The following C3orf49 variants were observed in gnomAD, a reference collection of about 807,000 sequenced individuals.
The protein encoded by C3orf49 is putative uncharacterized protein C3orf49.
C3orf49 carries 27 observed loss-of-function variants against 13.3 expected under a neutral mutation model. The ratio of observed to expected loss-of-function variants is 2.02; its 90% CI spans 1.49 to 2.79. C3orf49 has a LOEUF of 2.79. Ranked by LOEUF, C3orf49 falls within the 30% of genes most tolerant of loss-of-function variation. The probability of loss-of-function intolerance (pLI) is 0.00; values close to 1 mark genes in which losing one functional copy is unlikely to be tolerated. For synonymous variants in C3orf49, 87 were observed against 47.6 expected, an observed-to-expected ratio of 1.83 and a Z score of -3.40; for missense variants, 242 against 134.2, an observed-to-expected ratio of 1.80 and a Z score of -3.97.
chr3:63,800,057 G>A, the C3orf49 span, among the ~76,000 whole-genome samples: 1 of 152,072 alleles, frequency 6.6e-6, no homozygotes. Flanking sequence ...GCAATTACCT[G>A]GACAACCCAG....
chr3:63,822,435 G>A (rs574929101), intron 1 of C3orf49, among the ~76,000 whole-genome samples: 7 of 152,184 alleles, frequency 4.6e-5, no homozygotes, highest in Admixed American at 2.6e-4. Context: ...TTGTATCACC[G>A]TACAGGTGAT....
chr3:63,843,694 A>G (rs890461615), intron 5 of C3orf49, among the ~76,000 whole-genome samples: 3 of 152,048 alleles, frequency 2.0e-5, no homozygotes. Context: ...AGGTCAGGAG[A>G]TCGAGACCAT....
At chr3:63,831,648 T>A (rs1200395422) in intron 4 of C3orf49, 32 bp from the exon 5 acceptor site, 1 of 694,900 alleles carries the variant, frequency 1.4e-6, no homozygotes, top group African/African-American at 1.8e-5. Flanking sequence ...TTCCAACACA[T>A]GGCTTCATTT....
intron 5 of C3orf49, chr3:63,839,781 A>C (rs1337433172): frequency 1.2e-6 from 2 of 1,610,428 alleles, no homozygotes; most frequent in Non-Finnish European, 8.5e-7. Flanking sequence ...CGTCTGCAGG[A>C]AAGAAGGGCA....
Position 63,831,693 on chromosome 3 carries a change from T to C in C3orf49, c.698T>C (p.Ile233Thr), listed in dbSNP as rs562309313. ...GKLQMQVDDL[I>T]ETVTDKSMKL... ...TATCTGTCATAGGTGGATGACCTCA[T>C]AGAAACAGTGACTGATAAATCCATG... Residue 233 changes from isoleucine to threonine, a missense_variant, in exon 5 of 7, where the codon ATA (isoleucine) becomes ACA (threonine). Ile to Thr is a moderately conservative substitution (Grantham distance 89). Coordinates refer to ENST00000295896, the MANE Select transcript of C3orf49 (RefSeq NM_001355236.2). 1.4e-6 allele frequency: 1 copy of C among 703,120 alleles called. No homozygotes were observed. Among genetic ancestry groups the C allele is most frequent in the East Asian group, 2.7e-5 (1 of 37,266 alleles). 43.6% of individuals were successfully genotyped at this position (703,120 alleles called of 1,614,324 possible).
At chr3:63,805,991 GC>G in the C3orf49 span, among the ~76,000 whole-genome samples, 5 of 152,214 alleles carry the variant, frequency 3.3e-5, no homozygotes, top group South Asian at 8.3e-4. Flanking sequence ...GCTGCGCAGT[GC>G]CCCGCCCCCA....
intron 3 of C3orf49, among the ~76,000 whole-genome samples, chr3:63,829,350 GA>G (rs1454697227): frequency 6.6e-6 from 1 of 152,020 alleles, no homozygotes; most frequent in Non-Finnish European, 1.5e-5. Flanking sequence ...AATGTTGCTA[GA>G]ACAATTGGGC....
At chr3:63,782,333 A>G in the C3orf49 span, 1 of 152,238 alleles carries the variant, frequency 6.6e-6, no homozygotes, top group Non-Finnish European at 1.5e-5. Flanking sequence ...TCCTTCTCAA[A>G]AAAAACAAAC....
At position 63,831,678 on chromosome 3, in the gene C3orf49, A is replaced by G. The variant is rs749375622; in HGVS notation, c.685-2A>G. ...TCATTTCTTTGTATTTATCTGTCATAGGTGGATGACCTCATAGAAACAGTG... is the reference window on the plus strand; with the variant it reads ...TCATTTCTTTGTATTTATCTGTCATGGGTGGATGACCTCATAGAAACAGTG... On this transcript the variant is annotated splice_acceptor_variant, in intron 4 of 6. Transcript: ENST00000295896. LOFTEE classifies it high-confidence loss of function. The G allele has an allele frequency of 4.3e-6, 3 of 702,948 alleles. No individual in the cohort carries two copies. In the South Asian group the frequency reaches 4.4e-5, roughly 10 times the overall value. The allele number at this position is 702,948 out of a possible 1,614,324, so 43.5% of individuals were successfully genotyped here.
chr3:63,787,534 C>A, the C3orf49 span, among the ~76,000 whole-genome samples: 281 of 152,200 alleles, frequency 1.8e-3, 1 homozygote, highest in Non-Finnish European at 2.5e-3. Flanking sequence ...AAATTCAATA[C>A]CCTTTTTTAA....
the C3orf49 span, among the ~76,000 whole-genome samples, chr3:63,813,049 A>G: frequency 6.6e-6 from 1 of 152,028 alleles, no homozygotes; most frequent in Non-Finnish European, 1.5e-5. Context: ...CCTCCACAGA[A>G]CTCCACAGTA....
the C3orf49 span, chr3:63,805,209 T>C: frequency 6.6e-6 from 1 of 152,202 alleles, no homozygotes; most frequent in Non-Finnish European, 1.5e-5. Flanking sequence ...CATTCTCAAT[T>C]ACAAAATTTG....
At chr3:63,786,557 G>C in the C3orf49 span, among the ~76,000 whole-genome samples, 1 of 152,070 alleles carries the variant, frequency 6.6e-6, no homozygotes, top group Non-Finnish European at 1.5e-5. Flanking sequence ...TGGAGCTAAA[G>C]AAGGAAAAAA....
At chr3:63,838,185 T>C in intron 5 of C3orf49, 18 of 1,012,984 alleles carry the variant, frequency 1.8e-5, no homozygotes, top group East Asian at 2.6e-5. Flanking sequence ...TTTTAAAAAA[T>C]AGCTGTAACC....
the C3orf49 span, among the ~76,000 whole-genome samples, chr3:63,799,444 C>A: frequency 6.6e-6 from 1 of 152,214 alleles, no homozygotes; most frequent in East Asian, 1.9e-4. Context: ...GAGTGTACAG[C>A]ATCAACATGT....
the C3orf49 span, among the ~76,000 whole-genome samples, chr3:63,789,576 TGAG>T: frequency 2.0e-5 from 3 of 151,940 alleles, no homozygotes; most frequent in East Asian, 1.9e-4. Context: ...TTTGGGAGGC[TGAG>T]GAGGGTGGAT....
intron 1 of C3orf49, among the ~76,000 whole-genome samples, chr3:63,822,802 T>A (rs1701415645): frequency 6.6e-6 from 1 of 152,214 alleles, no homozygotes; most frequent in Non-Finnish European, 1.5e-5. Flanking sequence ...TAGCAGACTC[T>A]CTCATCTTTT....
intron 2 of C3orf49, chr3:63,826,739 C>T (rs1225111589): frequency 1.3e-5 from 2 of 152,082 alleles, no homozygotes; most frequent in Non-Finnish European, 1.5e-5. Flanking sequence ...TTGCAAACAC[C>T]CTTTCCCCAA....
the C3orf49 span, among the ~76,000 whole-genome samples, chr3:63,802,009 T>C: frequency 2.6e-5 from 4 of 152,202 alleles, no homozygotes; most frequent in Non-Finnish European, 5.9e-5. Context: ...AGGAAGATGG[T>C]TTAAGTCTCC....
Sources: gnomAD v4.1 joint callset for allele counts (sites outside exome capture counted in the v4.1 genomes callset) on GRCh38, gnomAD v4.1.1 for gene constraint, MANE v1.5 for transcripts, NCBI Gene and HGNC (gene_info 2026-07-23, HGNC 2026-07-21) for gene names.